ZNF675: variants seen among roughly 807,000 people sequenced by gnomAD.
ZNF675 encodes the protein zinc finger protein 675.
A neutral mutation model predicts 56.1 loss-of-function variants in ZNF675; 36 were observed. That is an observed-to-expected ratio of 0.64 (90% CI 0.49 to 0.85). The LOEUF is 0.85. Ranked by LOEUF, ZNF675 falls within the 40% of genes least tolerant of loss-of-function variation. The pLI is 0.00. For missense variants in ZNF675, 663 were observed against 654.2 expected (o/e 1.01, Z -0.15); for synonymous variants, 200 against 218.9 (o/e 0.91, Z 0.76).
intron 3 of ZNF675, among the ~76,000 whole-genome samples, chr19:23,659,166 A>G (rs931336648): frequency 1.1e-4 from 16 of 152,066 alleles, no homozygotes; most frequent in Non-Finnish European, 1.9e-4. Flanking sequence ...GCCTAAATTT[A>G]TAAGTAACAG....
chr19:23,684,574 G>T (rs925347006), intron 1 of ZNF675, among the ~76,000 whole-genome samples: 1 of 152,042 alleles, frequency 6.6e-6, no homozygotes, highest in African/African-American at 2.4e-5. Flanking sequence ...AACCTGGGAG[G>T]CGGAGGTTGC....
intron 3 of ZNF675, among the ~76,000 whole-genome samples, chr19:23,659,760 C>A (rs911197243): frequency 1.3e-5 from 2 of 152,102 alleles, no homozygotes; most frequent in African/African-American, 4.8e-5. Context: ...CCAAACTCCT[C>A]ACAGCCAAAG....
At chr19:23,661,846 C>T (rs1357626377) in intron 3 of ZNF675, 17 of 270,954 alleles carry the variant, frequency 6.3e-5, no homozygotes, top group Non-Finnish European at 6.8e-6. Context: ...ATTCAGATTG[C>T]ACAGTCTCTT....
At chr19:23,676,070 A>T (rs1330934941) in intron 1 of ZNF675, among the ~76,000 whole-genome samples, 1 of 151,592 alleles carries the variant, frequency 6.6e-6, no homozygotes, top group Non-Finnish European at 1.5e-5. Context: ...GTCTACAATG[A>T]GCACTTCTAT....
At chr19:23,660,561 T>G (rs1461420737) in intron 3 of ZNF675, among the ~76,000 whole-genome samples, 1 of 152,102 alleles carries the variant, frequency 6.6e-6, no homozygotes, top group Non-Finnish European at 1.5e-5. Flanking sequence ...TCCATAAACT[T>G]AAACTCTCTG....
intron 1 of ZNF675, among the ~76,000 whole-genome samples, chr19:23,679,075 G>A (rs11671364): frequency 0.97 from 144,719 of 149,080 alleles, 70,525 homozygotes; most frequent in Middle Eastern, 1. Context: ...GCTGAGGCAG[G>A]AGAATGGCAT....
chr19:23,685,833 G>T (rs1446515015), intron 1 of ZNF675, among the ~76,000 whole-genome samples: 2 of 152,160 alleles, frequency 1.3e-5, no homozygotes, highest in African/African-American at 2.4e-5. Context: ...GTCATAGTTA[G>T]TCTGGAGGAA....
intron 1 of ZNF675, among the ~76,000 whole-genome samples, chr19:23,683,491 G>A (rs1003486969): frequency 2.5e-4 from 38 of 152,162 alleles, no homozygotes; most frequent in Admixed American, 1.0e-3. Context: ...GTGCGATCTC[G>A]GCTCACTGCA....
At chr19:23,667,255 T>A (rs4932887) in intron 1 of ZNF675, among the ~76,000 whole-genome samples, 2 of 151,836 alleles carry the variant, frequency 1.3e-5, no homozygotes, top group Non-Finnish European at 2.9e-5. Flanking sequence ...CAGATCTTCA[T>A]GGTGAGTGTT....
At chr19:23,671,160 T>TC (rs1327639412) in intron 1 of ZNF675, among the ~76,000 whole-genome samples, 1 of 152,180 alleles carries the variant, frequency 6.6e-6, no homozygotes, top group Non-Finnish European at 1.5e-5. Flanking sequence ...AGTCCCTTCC[T>TC]CTTCCTGAAG....
rs752448129 is a variant in ZNF675, at chr19:23,654,697, G to C, written c.236C>G (p.Ser79Cys). The C allele has an allele frequency of 3.3e-6, 5 of 1,525,762 alleles. No individual in the cohort carries two copies. The highest frequency in any genetic ancestry group is 4.4e-6 in the Non-Finnish European group (5 of 1,138,164). 94.5% of individuals were successfully genotyped at this position (1,525,762 alleles called of 1,614,324 possible). ...TGGCCAAAACTCTTGGGCAAAATGA[G>C]AACACATTACTGAAAGAAATAAAAA... is the stretch of plus-strand genomic sequence containing the variant. ...EMVNEPPVMCSHFAQEFWPEQ... is the reference protein window; with the variant it reads ...EMVNEPPVMCCHFAQEFWPEQ... The change falls in exon 4 of 4, where the codon TCT becomes TGT. Residue 79 changes from serine to cysteine, a missense_variant. Coordinates refer to ENST00000359788, the MANE Select transcript of ZNF675 (RefSeq NM_138330.3).
intron 1 of ZNF675, among the ~76,000 whole-genome samples, chr19:23,682,149 C>T (rs1226493417): frequency 6.6e-6 from 1 of 151,610 alleles, no homozygotes; most frequent in African/African-American, 2.4e-5. Flanking sequence ...CTTCTTTTTC[C>T]CACAGCAACT....
chr19:23,685,543 C>T (rs1968432543), intron 1 of ZNF675, among the ~76,000 whole-genome samples: 2 of 152,160 alleles, frequency 1.3e-5, no homozygotes, highest in Non-Finnish European at 2.9e-5. Context: ...CAAAAATATT[C>T]TGATACTATC....
At chr19:23,664,317 T>C (rs1205449373) in intron 1 of ZNF675, among the ~76,000 whole-genome samples, 2 of 152,194 alleles carry the variant, frequency 1.3e-5, no homozygotes, top group Non-Finnish European at 2.9e-5. Context: ...CATGTTTACC[T>C]GGTACCACCA....
intron 1 of ZNF675, among the ~76,000 whole-genome samples, chr19:23,663,444 C>A (rs1227377469): frequency 6.6e-6 from 1 of 152,162 alleles, no homozygotes; most frequent in Non-Finnish European, 1.5e-5. Flanking sequence ...TTAATCCCAG[C>A]ACTTTGGGAG....
intron 1 of ZNF675, among the ~76,000 whole-genome samples, chr19:23,680,709 G>A (rs1249122906): frequency 6.6e-6 from 1 of 151,610 alleles, no homozygotes; most frequent in African/African-American, 2.4e-5. Context: ...AGCTGAGATC[G>A]TGCCACTGCA....
intron 3 of ZNF675, chr19:23,658,663 G>C (rs1458667543): frequency 2.6e-5 from 4 of 151,936 alleles, no homozygotes; most frequent in Non-Finnish European, 5.9e-5. Flanking sequence ...CTGGACGACA[G>C]GGCGAGACTC....
intron 1 of ZNF675, among the ~76,000 whole-genome samples, chr19:23,676,813 G>A (rs1410034854): frequency 3.3e-5 from 5 of 150,920 alleles, no homozygotes; most frequent in African/African-American, 7.4e-5. Context: ...GGTGGCTCAC[G>A]CCTGTAATCC....
intron 3 of ZNF675, among the ~76,000 whole-genome samples, chr19:23,658,915 A>C (rs1317952191): frequency 1.9e-4 from 27 of 143,600 alleles, no homozygotes; most frequent in South Asian, 6.5e-4. Context: ...ATAGATAGAT[A>C]TAGATCTATA....
Sources: allele counts gnomAD v4.1 joint callset (sites outside exome capture counted in the v4.1 genomes callset), GRCh38; gene constraint gnomAD v4.1.1; transcripts MANE v1.5; gene names NCBI Gene and HGNC (gene_info 2026-07-23, HGNC 2026-07-21).